SPHKAP: variants seen among roughly 807,000 people sequenced by gnomAD.
The protein encoded by SPHKAP is SPHK1 interactor, AKAP domain containing.
In SPHKAP, 67 loss-of-function variants were observed where a neutral mutation model predicts 137.5. That is an observed-to-expected ratio of 0.49 (90% CI 0.40 to 0.60). SPHKAP has a LOEUF of 0.60. Ranked by LOEUF, SPHKAP falls within the 20% of genes least tolerant of loss-of-function variation. The pLI is 0.00. For missense variants in SPHKAP, 2,097 were observed against 2,069.3 expected, an observed-to-expected ratio of 1.01 and a Z score of -0.26; for synonymous variants, 813 against 785.3, an observed-to-expected ratio of 1.04 and a Z score of -0.59.
chr2:228,050,737 TTCTA>T (rs931134557), intron 3 of SPHKAP, among the ~76,000 whole-genome samples: 1 of 152,216 alleles, frequency 6.6e-6, no homozygotes, highest in African/African-American at 2.4e-5. Flanking sequence ...GTCTTATTTC[TTCTA>T]TCTAAGTGAT....
chr2:228,092,260 T>TATGTACACACAC (rs1697786183), intron 3 of SPHKAP, among the ~76,000 whole-genome samples: 2 of 142,486 alleles, frequency 1.4e-5, no homozygotes, highest in African/African-American at 5.4e-5. Context: ...TATGTGTGTA[T>TATGTACACACAC]ACGTACACAC....
At chr2:228,013,925 A>G (rs1204827428) in intron 7 of SPHKAP, among the ~76,000 whole-genome samples, 4 of 152,134 alleles carry the variant, frequency 2.6e-5, no homozygotes. Flanking sequence ...TTCCTGTTTT[A>G]TTGGTGGAAA....
At chr2:228,178,339 AGAT>A (rs1405083947) in intron 1 of SPHKAP, among the ~76,000 whole-genome samples, 1 of 152,168 alleles carries the variant, frequency 6.6e-6, no homozygotes, top group African/African-American at 2.4e-5. Context: ...TAGGAAATGG[AGAT>A]GATAATATCT....
At chr2:228,106,928 T>C (rs1698359764) in intron 3 of SPHKAP, among the ~76,000 whole-genome samples, 2 of 152,328 alleles carry the variant, frequency 1.3e-5, no homozygotes, top group Admixed American at 1.3e-4. Context: ...TGGATACTTT[T>C]TAAAAATGTT....
intron 1 of SPHKAP, among the ~76,000 whole-genome samples, chr2:228,146,887 A>G (rs115466723): frequency 5.7e-4 from 87 of 152,332 alleles, no homozygotes; most frequent in African/African-American, 1.9e-3. Flanking sequence ...AAAGAATTGG[A>G]TATTTTCTTC....
rs777416224 is a variant in SPHKAP at position 227,995,691 on chromosome 2, G to A, written c.4452C>T (p.Asp1484=). The change falls in exon 8 of 12, where the codon GAC becomes GAT. Residue 1484 remains aspartate (D), a synonymous_variant. Transcript: ENST00000392056. ...CTGGTACATCTCTGGTATCAAGGCT[G>A]TCACTGTAGAGGGCAAGATATTATT... The part of the protein sequence containing the change: ...TAVSACQIHS[D]SLDTRDVPEA... The A allele has an allele frequency of 1.3e-6, 2 of 1,592,568 alleles. No homozygotes were observed. Among genetic ancestry groups the A allele is most frequent in the Non-Finnish European group, 1.7e-6 (2 of 1,173,078 alleles).
At chr2:228,040,555 T>A (rs889964000) in intron 3 of SPHKAP, among the ~76,000 whole-genome samples, 2 of 152,186 alleles carry the variant, frequency 1.3e-5, no homozygotes, top group African/African-American at 4.8e-5. Flanking sequence ...TTATTTACAT[T>A]TAAGACTGTC....
chr2:228,005,555 G>A (rs1332427246), intron 7 of SPHKAP, among the ~76,000 whole-genome samples: 1 of 152,084 alleles, frequency 6.6e-6, no homozygotes, highest in African/African-American at 2.4e-5. Context: ...TTACATTTAA[G>A]GTTAATATTG....
chr2:228,139,370 A>G (rs1699524931), intron 1 of SPHKAP, among the ~76,000 whole-genome samples: 3 of 152,200 alleles, frequency 2.0e-5, no homozygotes, highest in African/African-American at 7.2e-5. Context: ...TATCTGGATT[A>G]TATTAGAAAA....
intron 7 of SPHKAP, among the ~76,000 whole-genome samples, chr2:228,004,328 G>A (rs1694039429): frequency 6.6e-6 from 1 of 152,258 alleles, no homozygotes; most frequent in South Asian, 2.1e-4. Flanking sequence ...GTTTCTTCTA[G>A]ATTTTCTAGT....
At chr2:228,112,162 G>A (rs971340287) in intron 2 of SPHKAP, among the ~76,000 whole-genome samples, 2 of 152,008 alleles carry the variant, frequency 1.3e-5, no homozygotes, top group African/African-American at 2.4e-5. Context: ...CCTAGATTTT[G>A]GAACACCCAT....
At chr2:228,140,023 C>A (rs970029452) in intron 1 of SPHKAP, among the ~76,000 whole-genome samples, 1 of 151,556 alleles carries the variant, frequency 6.6e-6, no homozygotes, top group Admixed American at 6.6e-5. Flanking sequence ...CAGCTCACTG[C>A]AACCTCCACC....
chr2:228,036,702 C>A (rs544845807), intron 3 of SPHKAP, among the ~76,000 whole-genome samples: 1 of 152,182 alleles, frequency 6.6e-6, no homozygotes, highest in African/African-American at 2.4e-5. Flanking sequence ...ACTATGCAGC[C>A]ATAAAAAATG....
At chr2:228,129,678 G>A (rs1699184818) in intron 2 of SPHKAP, among the ~76,000 whole-genome samples, 1 of 151,226 alleles carries the variant, frequency 6.6e-6, no homozygotes, top group South Asian at 2.1e-4. Flanking sequence ...ATTCTTATTT[G>A]TAAATGTATA....
rs776424050 is a variant in SPHKAP at position 228,025,522 on chromosome 2, C to G, written c.313G>C (p.Val105Leu). The G allele has an allele frequency of 4.3e-6, 7 of 1,613,384 alleles. No individual in the cohort carries two copies. In the East Asian group the frequency reaches 1.3e-4, roughly 31 times the overall value. ...CSTEHLQQKL[V>L]NVSPDLPKLI... Reference sequence around the variant, plus strand: ...TTTGGAAGATCTGGTGAAACGTTGACCAGTTTCTGTAAAGCAAGAATCTTT... The same window carrying G: ...TTTGGAAGATCTGGTGAAACGTTGAGCAGTTTCTGTAAAGCAAGAATCTTT... The change falls in exon 5 of 12, where the codon GTC (valine) becomes CTC (leucine). Residue 105 changes from valine (V) to leucine (L), a missense_variant. Transcript: ENST00000392056.
intron 7 of SPHKAP, among the ~76,000 whole-genome samples, chr2:228,012,484 A>T (rs1397982905): frequency 6.6e-6 from 1 of 152,014 alleles, no homozygotes; most frequent in African/African-American, 2.4e-5. Flanking sequence ...CAATGCCAAC[A>T]TCCTATCTAA....
intron 3 of SPHKAP, among the ~76,000 whole-genome samples, chr2:228,098,833 T>C (rs1698093593): frequency 6.6e-6 from 1 of 152,162 alleles, no homozygotes; most frequent in African/African-American, 2.4e-5. Flanking sequence ...GCTTGTTGAT[T>C]TCTTAACGGG....
At chr2:228,137,551 CTCTTG>C (rs1464694046) in intron 1 of SPHKAP, among the ~76,000 whole-genome samples, 80 of 152,124 alleles carry the variant, frequency 5.3e-4, no homozygotes, top group Admixed American at 5.2e-3. Context: ...ATAAGATTCG[CTCTTG>C]TCTTCTCCCT....
rs536231513 is a variant in SPHKAP at position 228,103,294 on chromosome 2, G to A, written c.246+5538C>T. Among the ~76,000 whole-genome samples, 10 of 152,294 alleles carry A rather than the reference G, an allele frequency of 6.6e-5. No homozygotes were observed. In the East Asian group the frequency reaches 1.4e-3, roughly 21 times the overall value. On this transcript the variant is annotated intron_variant, in intron 3 of 11. Transcript: ENST00000392056. Reference sequence around the variant, plus strand: ...CTGGGCCTGCTGGATTTGCTGAGGTGCCTCAGGAACTGCTGCAAAGGGAAA... The same window carrying A: ...CTGGGCCTGCTGGATTTGCTGAGGTACCTCAGGAACTGCTGCAAAGGGAAA...
Sources: allele counts gnomAD v4.1 joint callset (sites outside exome capture counted in the v4.1 genomes callset), GRCh38; gene constraint gnomAD v4.1.1; transcripts MANE v1.5; gene names NCBI Gene and HGNC (gene_info 2026-07-23, HGNC 2026-07-21).